Variants in GNAS observed in about 807,000 individuals in gnomAD.
GNAS encodes GNAS complex locus, also known as protein ALEX.
Under a neutral mutation model 54.5 loss-of-function variants are expected in GNAS, and 8 were observed. The ratio of observed to expected loss-of-function variants is 0.15; its 90% confidence interval spans 0.09 to 0.26. GNAS has a LOEUF of 0.26. Among genes scored for constraint, GNAS ranks in the 10% least tolerant of loss-of-function variants. The probability of loss-of-function intolerance (pLI) is 1.00; values close to 1 mark genes in which losing one functional copy is unlikely to be tolerated. For synonymous variants in GNAS, 204 were observed against 191.4 expected (o/e 1.07, Z -0.54); for missense variants, 170 against 529.8 (o/e 0.32, Z 6.67).
intron 5 of GNAS, among the ~76,000 whole-genome samples, chr20:58,904,761 G>GA (rs905036725): frequency 4.7e-4 from 71 of 151,438 alleles, no homozygotes; most frequent in Non-Finnish European, 7.7e-4. Context: ...GCATTATTTT[G>GA]AAAAAAAAGC....
chr20:58,907,025 G>A (rs2091106657), intron 6 of GNAS, among the ~76,000 whole-genome samples: 1 of 152,120 alleles, frequency 6.6e-6, no homozygotes, highest in Admixed American at 6.5e-5. Context: ...TAGCTAATCA[G>A]AACCAAGGTG....
At chr20:58,844,162 GA>G (rs1371247023) in intron 1 of GNAS, 1 of 152,180 alleles carries the variant, frequency 6.6e-6, no homozygotes, top group Non-Finnish European at 1.5e-5. Context: ...CAAGAAGAGG[GA>G]AGCTTTTGAG....
At chr20:58,844,928 C>T (rs1207059898) in intron 1 of GNAS, among the ~76,000 whole-genome samples, 1 of 152,174 alleles carries the variant, frequency 6.6e-6, no homozygotes, top group African/African-American at 2.4e-5. Context: ...CAGTTGGTTG[C>T]AAAATGGTCT....
chr20:58,891,370 CGGCGGG>C, upstream of GNAS: 1 of 172,370 alleles, frequency 5.8e-6, no homozygotes. Context: ...CTCGGGGCGG[CGGCGGG>C]GGCCCGGCCG....
intron 5 of GNAS, among the ~76,000 whole-genome samples, chr20:58,905,129 C>T (rs1242981488): frequency 6.6e-6 from 1 of 152,216 alleles, no homozygotes; most frequent in Non-Finnish European, 1.5e-5. Flanking sequence ...ATTCCCCCTA[C>T]ACACGAGAAA....
chr20:58,840,129 A>C (rs1225314176), upstream of GNAS: 17 of 1,611,348 alleles, frequency 1.1e-5, no homozygotes, highest in Non-Finnish European at 1.4e-5. This position sits in a 1 kb window ranked among gnomAD's most constrained non-coding sequence, Gnocchi z 6.0. Flanking sequence ...TCCCGGGCTC[A>C]GCAGTGGCGC....
chr20:58,890,166 G>A (rs1600944080), upstream of GNAS, among the ~76,000 whole-genome samples: 1 of 151,898 alleles, frequency 6.6e-6, no homozygotes, highest in African/African-American at 2.4e-5. Context: ...GAAGAAGAAG[G>A]AGAAGGAGAG....
chr20:58,903,496 A>C, intron 3 of GNAS, 35 bp from the exon 4 acceptor site: 9 of 1,551,730 alleles, frequency 5.8e-6, no homozygotes, highest in Non-Finnish European at 8.0e-6. Flanking sequence ...GACATGGTGC[A>C]ATATGATTTT....
chr20:58,845,612 A>C (rs980177169), intron 1 of GNAS, among the ~76,000 whole-genome samples: 2 of 151,240 alleles, frequency 1.3e-5, no homozygotes, highest in Non-Finnish European at 2.9e-5. Flanking sequence ...TCTTTCTTAC[A>C]TATCAAAAGG....
intron 1 of GNAS, among the ~76,000 whole-genome samples, chr20:58,871,294 G>A (rs1037461848): frequency 6.6e-5 from 10 of 152,108 alleles, no homozygotes; most frequent in African/African-American, 1.4e-4. Flanking sequence ...AGGTGCAAAC[G>A]GAAGGAAAGA....
At chr20:58,858,469 C>A (rs920703040) in intron 1 of GNAS, among the ~76,000 whole-genome samples, 1 of 152,184 alleles carries the variant, frequency 6.6e-6, no homozygotes, top group African/African-American at 2.4e-5. Flanking sequence ...TTTTCTTACT[C>A]AACACTATCC....
At chr20:58,842,971 C>T (rs1240168606) in intron 1 of GNAS, among the ~76,000 whole-genome samples, 3 of 152,130 alleles carry the variant, frequency 2.0e-5, no homozygotes, top group African/African-American at 4.8e-5. Context: ...GTGTCGAGCC[C>T]ACACCTCACA....
chr20:58,900,000 C>T (rs1207779950), intron 3 of GNAS: 1 of 716,866 alleles, frequency 1.4e-6, no homozygotes, highest in Non-Finnish European at 2.6e-6. Flanking sequence ...CCGGCTATGT[C>T]CTATCACAAT....
intron 3 of GNAS, chr20:58,900,087 G>A (rs2090469322): frequency 5.2e-6 from 3 of 581,226 alleles, no homozygotes; most frequent in South Asian, 4.2e-5. Flanking sequence ...GAGGGGGGAT[G>A]GGGCCCCTGC....
intron 1 of GNAS, among the ~76,000 whole-genome samples, chr20:58,886,165 C>T (rs2088576049): frequency 6.6e-6 from 1 of 152,226 alleles, no homozygotes; most frequent in Admixed American, 6.5e-5. Context: ...GCCTTTATCA[C>T]CACGAAGCTG....
rs1036775720 is a variant in GNAS, at chr20:58,892,102, C to T, written c.139+237C>T. On this transcript the variant is annotated intron_variant, in intron 1 of 12. Coordinates refer to ENST00000371085, the MANE Select transcript of GNAS (RefSeq NM_000516.7). ...TGGCGACGCGGGCGCGGGTCCCCCT[C>T]CCCCGGCCTGCCCGCTCAGTGTCTC... 6.9e-4 allele frequency: 670 copies of T among 966,324 alleles called. 1 individual carries two copies. Among genetic ancestry groups the T allele is most frequent in the Non-Finnish European group, 8.0e-4 (651 of 813,158 alleles). The allele number at this position is 966,324 out of a possible 1,614,324, so 59.9% of individuals were successfully genotyped here.
chr20:58,874,843 T>C (rs1004147626), intron 1 of GNAS, among the ~76,000 whole-genome samples: 173 of 152,348 alleles, frequency 1.1e-3, no homozygotes, highest in African/African-American at 4.0e-3. Flanking sequence ...AGATAGTCTA[T>C]ATTCAAATAC....
chr20:58,883,771 G>T (rs537727892), intron 1 of GNAS, among the ~76,000 whole-genome samples: 1 of 152,262 alleles, frequency 6.6e-6, no homozygotes, highest in South Asian at 2.1e-4. Flanking sequence ...GAGGAAGGCT[G>T]CAGTGGCCTT....
intron 1 of GNAS, among the ~76,000 whole-genome samples, chr20:58,894,233 C>T (rs982264475): frequency 9.2e-5 from 14 of 152,160 alleles, no homozygotes; most frequent in Admixed American, 5.9e-4. Flanking sequence ...AAGATAGGTC[C>T]TGTAACTGTT....
Sources: allele counts gnomAD v4.1 joint callset (sites outside exome capture counted in the v4.1 genomes callset), GRCh38; gene constraint gnomAD v4.1.1; non-coding constraint Gnocchi (gnomAD v3.1); transcripts MANE v1.5; gene names NCBI Gene and HGNC (gene_info 2026-07-23, HGNC 2026-07-21).